The following SEMA5B variants were observed in gnomAD, a reference collection of about 807,000 sequenced individuals.
SEMA5B encodes semaphorin-5B.
In SEMA5B, 66 loss-of-function variants were observed where a neutral mutation model predicts 135.0. The ratio of observed to expected loss-of-function variants is 0.49; its 90% CI spans 0.40 to 0.60. The LOEUF is 0.60. SEMA5B is among the 20% of genes least tolerant of loss of function. The pLI, the probability that SEMA5B is intolerant of heterozygous loss-of-function variation, is 0.00. For synonymous variants in SEMA5B, 690 were observed against 639.5 expected, an observed-to-expected ratio of 1.08 and a Z score of -1.19; for missense variants, 1,501 against 1,566.3, an observed-to-expected ratio of 0.96 and a Z score of 0.70.
At chr3:122,928,118 T>A (rs760382910) in intron 7 of SEMA5B, 115 bp from the exon 8 acceptor site, 11 of 664,168 alleles carry the variant, frequency 1.7e-5, no homozygotes, top group Non-Finnish European at 2.4e-5. Context: ...TCTCCCCTCC[T>A]CCAGCGTCAT....
rs745756774 is a variant in SEMA5B at position 122,913,560 on chromosome 3, C to A, written c.2254G>T (p.Gly752Cys). Reference sequence around the variant, plus strand: ...ACGCCGCAGCCCAGGCAGGAGTTGCCGTTCTCGCAGGCCCGACGCCGCGAC... The same window carrying A: ...ACGCCGCAGCCCAGGCAGGAGTTGCAGTTCTCGCAGGCCCGACGCCGCGAC... ...MQSRRRACENGNSCLGCGVEF... is the reference protein window; with the variant it reads ...MQSRRRACENCNSCLGCGVEF... The change falls in exon 16 of 23, where the codon GGC (glycine) becomes TGC (cysteine). Residue 752 changes from glycine to cysteine, a missense_variant. Gly to Cys is a radical substitution (Grantham distance 159, BLOSUM62 -3). This residue lies in a region of SEMA5B where 927 missense variants were observed against 881.6 expected (regional missense o/e 1.05). Transcript: ENST00000357599. The A allele has an allele frequency of 1.9e-6, 3 of 1,612,676 alleles. No homozygotes were observed. The highest frequency in any genetic ancestry group is 2.5e-6 in the Non-Finnish European group (3 of 1,179,806).
intron 1 of SEMA5B, among the ~76,000 whole-genome samples, chr3:122,977,526 C>T (rs1941372935): frequency 6.6e-6 from 1 of 152,132 alleles, no homozygotes; most frequent in Non-Finnish European, 1.5e-5. Flanking sequence ...GGATCAGAAC[C>T]CTCTACCCAG....
intron 10 of SEMA5B, among the ~76,000 whole-genome samples, 162 bp from the exon 11 acceptor site, chr3:122,922,609 A>G (rs1418603832): frequency 2.0e-5 from 3 of 152,176 alleles, no homozygotes; most frequent in Non-Finnish European, 4.4e-5. Context: ...CACCCTTTCC[A>G]GGGTGGGATG....
intron 1 of SEMA5B, among the ~76,000 whole-genome samples, chr3:123,026,586 G>T (rs1942805936): frequency 6.6e-6 from 1 of 152,006 alleles, no homozygotes. Context: ...CCGCCGGTCC[G>T]GCGACCACTT....
chr3:122,957,289 G>A (rs1211296145), intron 2 of SEMA5B, among the ~76,000 whole-genome samples: 1 of 152,228 alleles, frequency 6.6e-6, no homozygotes, highest in Non-Finnish European at 1.5e-5. Context: ...CTAGACATTG[G>A]GAAGCTGGTC....
Position 122,921,982 on chromosome 3 carries a change from A to C in SEMA5B, c.1621T>G (p.Phe541Val). The part of the protein sequence containing the change: ...LRILHSARAL[F>V]VGLRDGVLRV... ...AGGACGCCGTCTCTCAGCCCCACGA[A>C]GAGCGCGCGGGCGCTGTGCAGGATG... Residue 541 changes from phenylalanine (F) to valine (V), a missense_variant, in exon 12 of 23, where the codon TTC becomes GTC. Phe to Val is a conservative substitution (Grantham distance 50, BLOSUM62 -1). Coordinates refer to ENST00000357599, the MANE Select transcript of SEMA5B (RefSeq NM_001031702.4). 6.5e-7 allele frequency: 1 copy of C among 1,535,632 alleles called. No individual in the cohort carries two copies. The highest frequency in any genetic ancestry group is 8.7e-7 in the Non-Finnish European group (1 of 1,144,756).
chr3:122,930,638 G>C (rs944783445), intron 5 of SEMA5B, among the ~76,000 whole-genome samples: 5 of 152,230 alleles, frequency 3.3e-5, no homozygotes, highest in African/African-American at 1.2e-4. Flanking sequence ...CACACCAAAG[G>C]GGTCAGCCTT....
At chr3:122,938,821 G>A (rs941162430) in intron 5 of SEMA5B, among the ~76,000 whole-genome samples, 1 of 152,168 alleles carries the variant, frequency 6.6e-6, no homozygotes, top group Non-Finnish European at 1.5e-5. Flanking sequence ...TCTCAATCTG[G>A]GATAAATGTT....
chr3:122,939,518 AG>A, intron 4 of SEMA5B, 48 bp from the exon 5 acceptor site: 1 of 1,519,286 alleles, frequency 6.6e-7, no homozygotes, highest in Non-Finnish European at 9.1e-7. Flanking sequence ...TTCTGCAGGC[AG>A]GACCCAGGGA....
At chr3:122,995,995 T>C (rs957298021) in intron 1 of SEMA5B, among the ~76,000 whole-genome samples, 5 of 152,218 alleles carry the variant, frequency 3.3e-5, no homozygotes, top group African/African-American at 1.2e-4. Context: ...TTAAGATGGC[T>C]TGGAGGTGCT....
At chr3:122,948,217 C>T (rs1939875830) in intron 3 of SEMA5B, among the ~76,000 whole-genome samples, 1 of 152,164 alleles carries the variant, frequency 6.6e-6, no homozygotes, top group Admixed American at 6.5e-5. Context: ...GCCAGGGCAT[C>T]CACAACTTCC....
chr3:123,008,716 C>T (rs1314965771), intron 1 of SEMA5B, among the ~76,000 whole-genome samples: 3 of 152,138 alleles, frequency 2.0e-5, no homozygotes, highest in Non-Finnish European at 1.5e-5. Context: ...AATCCAGGAG[C>T]CAGCTGAGTT....
intron 5 of SEMA5B, among the ~76,000 whole-genome samples, chr3:122,934,499 T>G (rs112306527): frequency 4.4e-4 from 67 of 152,286 alleles, no homozygotes; most frequent in African/African-American, 1.6e-3. Flanking sequence ...TGTGGGAAAC[T>G]CTATAGGACA....
At chr3:122,917,837 G>A (rs996275766) in intron 12 of SEMA5B, among the ~76,000 whole-genome samples, 1 of 152,178 alleles carries the variant, frequency 6.6e-6, no homozygotes, top group African/African-American at 2.4e-5. Flanking sequence ...GGGATCAATG[G>A]TTTGATTTGA....
chr3:122,962,141 C>T (rs541183108), intron 1 of SEMA5B, among the ~76,000 whole-genome samples: 2 of 152,308 alleles, frequency 1.3e-5, no homozygotes, highest in Non-Finnish European at 2.9e-5. Flanking sequence ...CATCGTAAGG[C>T]ACCATATTCA....
intron 1 of SEMA5B, among the ~76,000 whole-genome samples, chr3:122,984,599 A>T (rs910716458): frequency 1.3e-5 from 2 of 152,216 alleles, no homozygotes; most frequent in African/African-American, 4.8e-5. Flanking sequence ...ATTAAGAATA[A>T]CGACAAAGGT....
At chr3:122,991,253 C>T (rs1464324844) in intron 1 of SEMA5B, among the ~76,000 whole-genome samples, 1 of 152,194 alleles carries the variant, frequency 6.6e-6, no homozygotes, top group Non-Finnish European at 1.5e-5. Flanking sequence ...ACACACAGAG[C>T]ACAAGCCTTT....
intron 1 of SEMA5B, among the ~76,000 whole-genome samples, chr3:122,980,334 C>T (rs1027654005): frequency 1.1e-4 from 16 of 152,088 alleles, no homozygotes; most frequent in African/African-American, 3.4e-4. Context: ...GTGGTGCATG[C>T]CTGTAATCCC....
At chr3:122,980,955 T>C (rs972565726) in intron 1 of SEMA5B, among the ~76,000 whole-genome samples, 7 of 152,280 alleles carry the variant, frequency 4.6e-5, no homozygotes. Flanking sequence ...TAGCATAATG[T>C]CTTCAGGGTT....
Sources: allele counts gnomAD v4.1 joint callset (sites outside exome capture counted in the v4.1 genomes callset), GRCh38; gene constraint gnomAD v4.1.1; regional missense constraint gnomAD v4.1.1; transcripts MANE v1.5; gene names NCBI Gene and HGNC (gene_info 2026-07-23, HGNC 2026-07-21).